SLC1A5: variants seen among roughly 807,000 people sequenced by gnomAD.
SLC1A5 encodes solute carrier family 1 member 5, also known as neutral amino acid transporter B(0).
In SLC1A5, 25 loss-of-function variants were observed where a neutral mutation model predicts 34.9. That is an observed-to-expected ratio of 0.72 (90% CI 0.52 to 1.00). SLC1A5 has a LOEUF of 1.00. Ranked by LOEUF, SLC1A5 falls within the 50% of genes least tolerant of loss-of-function variation. The pLI, the probability that SLC1A5 is intolerant of heterozygous loss-of-function variation, is 0.00. For synonymous variants in SLC1A5, 351 were observed against 341.2 expected, an observed-to-expected ratio of 1.03 and a Z score of -0.32; for missense variants, 637 against 740.0, an observed-to-expected ratio of 0.86 and a Z score of 1.61.
chr19:46,787,355 C>T lies in SLC1A5; in HGVS notation c.566+45G>A. 3.2e-6 allele frequency: 5 copies of T among 1,555,664 alleles called. No homozygotes were observed. Among genetic ancestry groups the T allele is most frequent in the Non-Finnish European group, 4.3e-6 (5 of 1,150,338 alleles). ...GTCCTGTCCACGTGACCACTCCCGC[C>T]ATCCGTAACACTCTTCCCCACCTCC... On this transcript the variant is annotated intron_variant, in intron 1 of 7. Transcript: ENST00000542575. This position sits in a 1 kb window ranked among gnomAD's most constrained non-coding sequence, Gnocchi z 5.2.
Position 46,775,079 on chromosome 19 carries a change from ACACACACACAC to A in SLC1A5, c.*420_*430del, listed in dbSNP as rs901389862. On this transcript the variant is annotated 3_prime_UTR_variant, in exon 8 of 8. Transcript: ENST00000542575. ...CACACACACACACACACACACACAC[ACACACACACAC>A]GTGCACACACACATCCCCCCACAAC... The A allele has an allele frequency of 7.7e-5, 77 of 1,000,814 alleles. No homozygotes were observed. In the East Asian group the frequency reaches 6.0e-3, roughly 78 times the overall value. The allele number at this position is 1,000,814 out of a possible 1,614,324, so 62.0% of individuals were successfully genotyped here. A position where few individuals can be genotyped will look rare whatever the true frequency, so the allele number is the denominator to read the frequency against.
At position 46,784,118 on chromosome 19, in the gene SLC1A5, A is replaced by C; in HGVS notation, c.636T>G (p.Asn212Lys). 1 of 1,613,448 alleles carries C rather than the reference A, an allele frequency of 6.2e-7. No homozygotes were observed. Among genetic ancestry groups the C allele is most frequent in the Non-Finnish European group, 8.5e-7 (1 of 1,179,514 alleles). ...TCACCTTCACCCTGGTTCCGGTGAT[A>C]TTCCTCTCTTCATAGGTGGTAGAGT... is the stretch of plus-strand genomic sequence containing the variant. ...RSYSTTYEER[N>K]ITGTRVKVPV... Residue 212 changes from asparagine to lysine, a missense_variant, in exon 3 of 8, where the codon AAT becomes AAG. Physicochemically the swap from Asn to Lys is moderately conservative, Grantham distance 94. Coordinates refer to ENST00000542575, the MANE Select transcript of SLC1A5 (RefSeq NM_005628.3).
At chr19:46,783,554 G>A (rs890195961) in intron 3 of SLC1A5, among the ~76,000 whole-genome samples, 3 of 151,798 alleles carry the variant, frequency 2.0e-5, no homozygotes, top group South Asian at 2.1e-4. Context: ...AGCACTTTGC[G>A]AGGCGGCCAA....
At chr19:46,784,710 C>A (rs1232481876) in intron 1 of SLC1A5, 151 bp from the exon 2 acceptor site, 24 of 1,547,526 alleles carry the variant, frequency 1.6e-5, no homozygotes, top group Non-Finnish European at 2.1e-5. Flanking sequence ...CTCAGCCCGG[C>A]AGGGTTGGAA....
At chr19:46,781,522 C>T (rs895027961) in intron 4 of SLC1A5, among the ~76,000 whole-genome samples, 2 of 152,186 alleles carry the variant, frequency 1.3e-5, no homozygotes, top group East Asian at 1.9e-4. Context: ...CTCTTGAACC[C>T]GGGAGGCGGA....
chr19:46,785,790 A>G (rs2055181624), intron 1 of SLC1A5, among the ~76,000 whole-genome samples: 1 of 152,192 alleles, frequency 6.6e-6, no homozygotes, highest in Admixed American at 6.5e-5. Context: ...TGGTAGAGGA[A>G]TGAGTTTGGC....
At position 46,779,261 on chromosome 19, in the gene SLC1A5, C is replaced by T. The variant is rs139338330; in HGVS notation, c.825-353G>A. On this transcript the variant is annotated intron_variant, in intron 4 of 7. Coordinates refer to ENST00000542575, the MANE Select transcript of SLC1A5 (RefSeq NM_005628.3). ...CCAACATGGAGAAACCCCGTCTCTA[C>T]TAAAAATACAAAATTAACCAGGCGT... 3.0e-3 allele frequency among the ~76,000 whole-genome samples: 463 copies of T among 151,964 alleles called. 12 individuals carry two copies. The highest frequency in any genetic ancestry group is 0.026 in the Admixed American group (404 of 15,252).
intron 3 of SLC1A5, among the ~76,000 whole-genome samples, chr19:46,783,719 G>T (rs1248385755): frequency 6.6e-6 from 1 of 152,154 alleles, no homozygotes. Context: ...CCCAGGAGGT[G>T]GAGACTGCAG....
At chr19:46,782,346 A>ACCCCCCCCCCCCCCCCCCCCCCACCCCC in intron 4 of SLC1A5, 37 bp downstream of exon 4, 1 of 567,986 alleles carries the variant, frequency 1.8e-6, no homozygotes, top group Non-Finnish European at 3.2e-6. Context: ...CGACCCTCCA[A>ACCCCCCCCCCCCCCCCCCCCCCACCCCC]CCCCACCCAC....
intron 7 of SLC1A5, among the ~76,000 whole-genome samples, chr19:46,775,995 C>T (rs112302437): frequency 0.11 from 17,352 of 151,520 alleles, 1,051 homozygotes; most frequent in Middle Eastern, 0.16. Context: ...GCAGGAGGAT[C>T]GCTGGAGCCT....
Position 46,787,407 on chromosome 19 carries a change from G to T in SLC1A5, c.559C>A (p.Leu187Ile). ...GGGGGAGCGGGAGCTGACCTCGCAAGATCCAGGAACGAATCGAGCACCTCC... is the reference window on the plus strand; with the variant it reads ...GGGGGAGCGGGAGCTGACCTCGCAATATCCAGGAACGAATCGAGCACCTCC... ...SKEVLDSFLD[L>I]ARNIFPSNLV... is the part of the protein sequence containing the mutation. Residue 187 changes from leucine (L) to isoleucine (I), a missense_variant, in exon 1 of 8, where the codon CTT becomes ATT. Coordinates refer to ENST00000542575, the MANE Select transcript of SLC1A5 (RefSeq NM_005628.3). The surrounding 1 kb of genome is among the most constrained non-coding windows in gnomAD (Gnocchi z 5.2). 1 of 1,597,370 alleles carries T rather than the reference G, an allele frequency of 6.3e-7. No individual in the cohort carries two copies.
intron 4 of SLC1A5, 41 bp downstream of exon 4, chr19:46,782,342 T>TGCAAACCCCCCCCCCCCCCCC: frequency 1.9e-6 from 1 of 523,372 alleles, no homozygotes; most frequent in Non-Finnish European, 3.5e-6. Flanking sequence ...AGACCGACCC[T>TGCAAACCCCCCCCCCCCCCCC]CCAACCCCAC....
intron 4 of SLC1A5, 38 bp downstream of exon 4, chr19:46,782,345 A>ACCCCCCCCCCCCCCCCCCCCCACC: frequency 3.4e-6 from 1 of 292,428 alleles, no homozygotes; most frequent in Non-Finnish European, 6.7e-6. Context: ...CCGACCCTCC[A>ACCCCCCCCCCCCCCCCCCCCCACC]ACCCCACCCA....
At position 46,775,732 on chromosome 19, in the gene SLC1A5, G is replaced by A. The variant is rs73940768; in HGVS notation, c.1404C>T (p.Thr468=). 3,065 of 1,613,770 alleles carry A rather than the reference G, an allele frequency of 1.9e-3. 53 individuals are homozygous for A. In the African/African-American group the frequency reaches 0.037, roughly 20 times the overall value. ...AVDWLVDRSC[T]VLNVEGDALG... ...GAGCGTCACCTTCTACATTGAGGAC[G>A]GTACAGGACCGGTCGCTAAAGGGGT... Residue 468 remains threonine (T), a synonymous_variant, in exon 8 of 8, where the codon ACC becomes ACT. Coordinates refer to ENST00000542575, the MANE Select transcript of SLC1A5 (RefSeq NM_005628.3).
chr19:46,785,076 C>T (rs1053890618), intron 1 of SLC1A5, among the ~76,000 whole-genome samples: 15 of 152,126 alleles, frequency 9.9e-5, no homozygotes, highest in African/African-American at 3.6e-4. Flanking sequence ...CAGTGTCTGC[C>T]TTAAGATGAA....
intron 4 of SLC1A5, 41 bp downstream of exon 4, chr19:46,782,342 T>TGCCACCCCCCCCCCCCCC: frequency 5.7e-6 from 3 of 523,372 alleles, no homozygotes; most frequent in East Asian, 4.0e-5. Flanking sequence ...AGACCGACCC[T>TGCCACCCCCCCCCCCCCC]CCAACCCCAC....
chr19:46,782,342 T>TTCAAACCCCCCCCCCC, intron 4 of SLC1A5, 41 bp downstream of exon 4: 1 of 523,370 alleles, frequency 1.9e-6, no homozygotes, highest in Non-Finnish European at 3.5e-6. Context: ...AGACCGACCC[T>TTCAAACCCCCCCCCCC]CCAACCCCAC....
chr19:46,781,941 G>A lies in SLC1A5; in HGVS notation c.824+442C>T, dbSNP rs532085363. 2.0e-3 allele frequency among the ~76,000 whole-genome samples: 300 copies of A among 152,108 alleles called. 2 individuals are homozygous for A. The highest frequency in any genetic ancestry group is 7.0e-3 in the African/African-American group (292 of 41,504). ...TCTTGAGACAGAGTTTCCCTCTGTC[G>A]CCCAGGCAGTGGCATGATCTCCGCT... On this transcript the variant is annotated intron_variant, in intron 4 of 7. Coordinates refer to ENST00000542575, the MANE Select transcript of SLC1A5 (RefSeq NM_005628.3).
In SLC1A5 at chr19:46,787,215, C is replaced by G; in HGVS notation, c.566+185G>C. On this transcript the variant is annotated intron_variant, in intron 1 of 7. Transcript: ENST00000542575. The surrounding 1 kb of genome is among the most constrained non-coding windows in gnomAD (Gnocchi z 5.2). ...ACCCAGGCCCCCAGATTTAGAAACC[C>G]CTTCCCCAGGAGACTAGACTCACAC... is the stretch of plus-strand genomic sequence containing the variant. 7.0e-7 allele frequency: 1 copy of G among 1,422,304 alleles called. No homozygotes were observed. Among genetic ancestry groups the G allele is most frequent in the Non-Finnish European group, 9.2e-7 (1 of 1,091,538 alleles). The allele number at this position is 1,422,304 out of a possible 1,614,324, so 88.1% of individuals were successfully genotyped here.
Sources: allele counts gnomAD v4.1 joint callset (sites outside exome capture counted in the v4.1 genomes callset), GRCh38; gene constraint gnomAD v4.1.1; non-coding constraint Gnocchi (gnomAD v3.1); transcripts MANE v1.5; gene names NCBI Gene and HGNC (gene_info 2026-07-23, HGNC 2026-07-21).